Variants in SARNP observed in about 807,000 individuals in gnomAD.
The protein encoded by SARNP is SAP domain-containing ribonucleoprotein.
A neutral mutation model predicts 38.1 loss-of-function variants in SARNP; 5 were observed. The observed-to-expected ratio is 0.13, with a 90% CI of 0.07 to 0.28. The LOEUF is 0.28. Ranked by LOEUF, SARNP falls within the 10% of genes least tolerant of loss-of-function variation. SARNP has a pLI of 1.00. For synonymous variants in SARNP, 84 were observed against 80.6 expected (o/e 1.04, Z -0.23); for missense variants, 180 against 243.9 (o/e 0.74, Z 1.75).
chr12:55,794,200 C>G, intron 7 of SARNP, 159 bp downstream of exon 7: 1 of 678,654 alleles, frequency 1.5e-6, no homozygotes, highest in Non-Finnish European at 2.6e-6. Context: ...CCAGGAAGGC[C>G]TAAGTATAAT....
intron 7 of SARNP, 40 bp downstream of exon 7, chr12:55,794,319 T>A (rs1266984081): frequency 2.6e-6 from 4 of 1,550,352 alleles, no homozygotes; most frequent in African/African-American, 2.7e-5. Flanking sequence ...AAAGAAAGAA[T>A]AAAAAGGTAA....
downstream of SARNP, chr12:55,754,283 A>G (rs1221731044): frequency 6.6e-6 from 1 of 152,242 alleles, no homozygotes; most frequent in Non-Finnish European, 1.5e-5. Flanking sequence ...AAGACTACTC[A>G]AGATGACTTT....
At chr12:55,762,219 G>A (rs867969765) in intron 9 of SARNP, among the ~76,000 whole-genome samples, 1 of 152,098 alleles carries the variant, frequency 6.6e-6, no homozygotes, top group African/African-American at 2.4e-5. Context: ...CCCAGGAGGC[G>A]GAGGTTACAG....
chr12:55,812,554 C>A (rs1420439530), intron 1 of SARNP, among the ~76,000 whole-genome samples: 1 of 152,224 alleles, frequency 6.6e-6, no homozygotes, highest in South Asian at 2.1e-4. Context: ...ACATTTCCAA[C>A]TGACTACCTG....
intron 1 of SARNP, among the ~76,000 whole-genome samples, chr12:55,811,270 A>G (rs1233709912): frequency 6.6e-6 from 1 of 152,138 alleles, no homozygotes; most frequent in Non-Finnish European, 1.5e-5. Flanking sequence ...AATATCACAC[A>G]GCTTGGCCAG....
At position 55,777,264 on chromosome 12, in the gene SARNP, T is replaced by G. The variant is rs369265712; in HGVS notation, c.501+11811A>C. ...GGAAGTCTAAACATCTAACATAACT[T>G]TCCCAAATACCTAGTTTACAGTAAA... On this transcript the variant is annotated intron_variant, in intron 9 of 10. Transcript: ENST00000336133. Among the ~76,000 whole-genome samples the G allele has an allele frequency of 1.7e-4, 26 of 152,230 alleles. No individual in the cohort carries two copies. In the East Asian group the frequency reaches 4.2e-3, roughly 25 times the overall value.
chr12:55,752,520 AC>A (rs1183273604), downstream of SARNP: 8 of 151,818 alleles, frequency 5.3e-5, no homozygotes, highest in African/African-American at 1.9e-4. Flanking sequence ...GGGAGTTAGC[AC>A]CCCCTCCCAC....
chr12:55,753,770 CAAAAAAAAAAAAAAA>C (rs35350773), downstream of SARNP: 2 of 51,116 alleles, frequency 3.9e-5, no homozygotes, highest in Non-Finnish European at 7.1e-5. Context: ...CTCCCATCTC[CAAAAAAAAAAAAAAA>C]AAAAAAAAAA....
At position 55,810,096 on chromosome 12, in the gene SARNP, T is replaced by C. The variant is rs375616446; in HGVS notation, c.37-6368A>G. On this transcript the variant is annotated intron_variant, in intron 1 of 10. Transcript: ENST00000336133. ...CTCATCATACATTTGACATTAATCA[T>C]GCATTGCCCTGTGATTTCTATTTAT... is the stretch of plus-strand genomic sequence containing the variant. Among the ~76,000 whole-genome samples, 7 of 152,338 alleles carry C rather than the reference T, an allele frequency of 4.6e-5. No individual in the cohort carries two copies. The East Asian group carries it at 1.2e-3, about 25-fold the overall frequency.
chr12:55,762,200 T>C (rs921518685), intron 9 of SARNP, among the ~76,000 whole-genome samples: 2 of 151,940 alleles, frequency 1.3e-5, no homozygotes, highest in African/African-American at 4.8e-5. Context: ...GGCAGGAAAA[T>C]AGCTTGAACC....
chr12:55,816,796 A>G (rs1476225418), intron 1 of SARNP, among the ~76,000 whole-genome samples: 1 of 152,078 alleles, frequency 6.6e-6, no homozygotes, highest in Non-Finnish European at 1.5e-5. Flanking sequence ...ACTTTTTTAT[A>G]TATCTAAGTG....
At chr12:55,815,442 C>G (rs1452012694) in intron 1 of SARNP, among the ~76,000 whole-genome samples, 2 of 152,150 alleles carry the variant, frequency 1.3e-5, no homozygotes, top group African/African-American at 4.8e-5. Flanking sequence ...TCCTAAAAAT[C>G]AGAATCAAAG....
At chr12:55,797,898 C>A (rs182005503) in intron 4 of SARNP, among the ~76,000 whole-genome samples, 2 of 152,308 alleles carry the variant, frequency 1.3e-5, no homozygotes. Context: ...TCACCCCACC[C>A]ACTTCAATTT....
chr12:55,814,361 T>C (rs557368005), intron 1 of SARNP, among the ~76,000 whole-genome samples: 10 of 152,380 alleles, frequency 6.6e-5, no homozygotes, highest in African/African-American at 2.2e-4. Flanking sequence ...TTTACCTTTA[T>C]AGTTTACCTA....
intron 1 of SARNP, among the ~76,000 whole-genome samples, chr12:55,817,332 A>T (rs1167045030): frequency 6.6e-6 from 1 of 152,248 alleles, no homozygotes; most frequent in Non-Finnish European, 1.5e-5. Context: ...GACATGGGGC[A>T]AAAAGGAGGG....
At chr12:55,812,939 T>C (rs1308340257) in intron 1 of SARNP, among the ~76,000 whole-genome samples, 2 of 152,168 alleles carry the variant, frequency 1.3e-5, no homozygotes, top group African/African-American at 2.4e-5. Flanking sequence ...AATGATCAGA[T>C]AGCGTTTAGC....
At position 55,817,688 on chromosome 12, in the gene SARNP, G is replaced by A. The variant is rs557490033; in HGVS notation, c.14C>T (p.Thr5Met). MATE[T>M]VELHKLKLAE... The stretch of plus-strand genomic sequence containing the variant: ...TACCTTTAGCTTATGGAGCTCCACC[G>A]TCTCGGTCGCCATCTTGTTACCCCT... The change falls in exon 1 of 11, where the codon ACG becomes ATG. Residue 5 changes from threonine to methionine, a missense_variant. By Grantham distance (81) the Thr-to-Met change is moderately conservative (BLOSUM62 -1). Coordinates refer to ENST00000336133, the MANE Select transcript of SARNP (RefSeq NM_033082.4). The A allele has an allele frequency of 1.3e-4, 205 of 1,613,032 alleles. No individual in the cohort carries two copies. The highest frequency in any genetic ancestry group is 1.7e-4 in the Non-Finnish European group (195 of 1,179,594).
chr12:55,772,386 T>C (rs914224466), intron 9 of SARNP, among the ~76,000 whole-genome samples: 1 of 152,154 alleles, frequency 6.6e-6, no homozygotes, highest in Non-Finnish European at 1.5e-5. Flanking sequence ...TCACAGGATT[T>C]GAAGCCCAAG....
chr12:55,801,434 C>T (rs1879976413), intron 2 of SARNP, among the ~76,000 whole-genome samples: 1 of 151,956 alleles, frequency 6.6e-6, no homozygotes, highest in Non-Finnish European at 1.5e-5. Context: ...CAGAGCAAGA[C>T]CCAGTCTTGA....
Sources: allele counts gnomAD v4.1 joint callset (sites outside exome capture counted in the v4.1 genomes callset), GRCh38; gene constraint gnomAD v4.1.1; transcripts MANE v1.5; gene names NCBI Gene and HGNC (gene_info 2026-07-23, HGNC 2026-07-21).